Variants in SRGAP2 observed in about 807,000 individuals in gnomAD.
The protein encoded by SRGAP2 is SLIT-ROBO Rho GTPase activating protein 2.
In SRGAP2, 15 loss-of-function variants were observed where a neutral mutation model predicts 57.2. That is an observed-to-expected ratio of 0.26 (90% CI 0.18 to 0.40). SRGAP2 has a LOEUF of 0.40. Among genes scored for constraint, SRGAP2 ranks in the 10% least tolerant of loss-of-function variants. The pLI, the probability that SRGAP2 is intolerant of heterozygous loss-of-function variation, is 1.00. For missense variants in SRGAP2, 520 were observed against 669.6 expected (o/e 0.78, Z 2.47); for synonymous variants, 249 against 248.0 (o/e 1.00, Z -0.04).
chr1:206,447,361 T>TC (rs1553374245), intron 18 of SRGAP2, among the ~76,000 whole-genome samples: 1 of 152,138 alleles, frequency 6.6e-6, no homozygotes, highest in East Asian at 1.9e-4. Context: ...GGCCAATTGG[T>TC]CCACGCTTCT....
Position 206,462,285 on chromosome 1 carries a change from C to T in SRGAP2, c.*865C>T, listed in dbSNP as rs1664323283. The T allele has an allele frequency of 6.6e-6, 1 of 152,586 alleles. No homozygotes were observed. The highest frequency in any genetic ancestry group is 2.4e-5 in the African/African-American group (1 of 41,420). 9.5% of individuals were successfully genotyped at this position (152,586 alleles called of 1,614,324 possible). On this transcript the variant is annotated 3_prime_UTR_variant, in exon 23 of 23. Coordinates refer to ENST00000573034, the MANE Select transcript of SRGAP2 (RefSeq NM_015326.5). ...TGAATGTATAGACATTTCTCGGGTTCCTACCTTTGTCTCTGATGGACCATT... is the reference window on the plus strand; with the variant it reads ...TGAATGTATAGACATTTCTCGGGTTTCTACCTTTGTCTCTGATGGACCATT...
intron 3 of SRGAP2, among the ~76,000 whole-genome samples, chr1:206,304,885 T>C (rs1672101447): frequency 6.7e-6 from 1 of 149,036 alleles, no homozygotes; most frequent in African/African-American, 2.5e-5. Flanking sequence ...GCCTACCTCC[T>C]GAGTAGCTGG....
intron 3 of SRGAP2, among the ~76,000 whole-genome samples, chr1:206,324,587 G>A (rs1673729664): frequency 6.6e-6 from 1 of 152,010 alleles, no homozygotes; most frequent in Admixed American, 6.6e-5. Context: ...AATTGTGCCA[G>A]TGCCATTGTC....
chr1:206,333,099 G>A (rs1180766867), intron 3 of SRGAP2, among the ~76,000 whole-genome samples: 1 of 142,960 alleles, frequency 7.0e-6, no homozygotes, highest in African/African-American at 2.6e-5. Flanking sequence ...CTGCTGGGGG[G>A]TGCCTCCCAG....
intron 4 of SRGAP2, among the ~76,000 whole-genome samples, chr1:206,371,442 A>G (rs1292578944): frequency 6.6e-6 from 1 of 152,060 alleles, no homozygotes; most frequent in Non-Finnish European, 1.5e-5. Context: ...ATATAAGAAT[A>G]TAGATTGGCC....
At chr1:206,375,139 G>A (rs1553344051) in intron 4 of SRGAP2, among the ~76,000 whole-genome samples, 1 of 146,098 alleles carries the variant, frequency 6.8e-6, no homozygotes, top group African/African-American at 2.6e-5. Context: ...ATGTTTTCAA[G>A]TACCTTATCA....
chr1:206,414,033 CTTTT>C (rs1202216512), intron 10 of SRGAP2, among the ~76,000 whole-genome samples: 4 of 128,934 alleles, frequency 3.1e-5, no homozygotes, highest in Non-Finnish European at 3.3e-5. Flanking sequence ...CTTTTTCTTT[CTTTT>C]TTTTTTTTTT....
Position 206,454,532 on chromosome 1 carries a change from C to T in SRGAP2, c.2361-346C>T, listed in dbSNP as rs184078879. ...CTCAGCCGATAAACCACAACCTGGA[C>T]TTGCCGCCTCCTTCTCCAGGAGGCC... On this transcript the variant is annotated intron_variant, in intron 20 of 22. Transcript: ENST00000573034. This position sits in a 1 kb window ranked among gnomAD's most constrained non-coding sequence, Gnocchi z 4.3. 9.7e-6 allele frequency: 4 copies of T among 413,252 alleles called. No individual in the cohort carries two copies. Among genetic ancestry groups the T allele is most frequent in the Admixed American group, 4.1e-5 (1 of 24,152 alleles). 25.6% of individuals were successfully genotyped at this position (413,252 alleles called of 1,614,324 possible).
At chr1:206,356,557 A>G (rs1553339356) in intron 4 of SRGAP2, among the ~76,000 whole-genome samples, 1 of 152,224 alleles carries the variant, frequency 6.6e-6, no homozygotes, top group Non-Finnish European at 1.5e-5. Context: ...CCATTGTGCT[A>G]TTCTGATTCT....
At chr1:206,318,313 G>C (rs1349373230) in intron 3 of SRGAP2, among the ~76,000 whole-genome samples, 1 of 151,910 alleles carries the variant, frequency 6.6e-6, no homozygotes, top group East Asian at 1.9e-4. Context: ...CTCTAAAACA[G>C]AGCAAGGTGA....
chr1:206,455,093 A>ACC (rs1399743317), intron 21 of SRGAP2, 69 bp downstream of exon 21: 1 of 776,314 alleles, frequency 1.3e-6, no homozygotes, highest in Non-Finnish European at 2.4e-6. Context: ...CTCTGGCCTA[A>ACC]CCCCCATCTC....
intron 2 of SRGAP2, among the ~76,000 whole-genome samples, chr1:206,261,894 CA>C (rs1669577603): frequency 6.7e-6 from 1 of 150,170 alleles, no homozygotes; most frequent in African/African-American, 2.5e-5. Flanking sequence ...ATTCTCAGTA[CA>C]AAACCCTTAG....
rs557666167 is a variant in SRGAP2, at chr1:206,347,720, C to T, written c.423+4712C>T. 8.7e-3 allele frequency among the ~76,000 whole-genome samples: 1,296 copies of T among 149,506 alleles called. 19 individuals are homozygous for T. The highest frequency in any genetic ancestry group is 0.031 in the African/African-American group (1,215 of 39,642). On this transcript the variant is annotated intron_variant, in intron 4 of 22. Coordinates refer to ENST00000573034, the MANE Select transcript of SRGAP2 (RefSeq NM_015326.5). ...TATGTTGTACAGAGAAGAGAAAATC[C>T]TGGATTTTCTCTGTTTCATTGAATT...
At chr1:206,393,516 G>A (rs782719202) in intron 6 of SRGAP2, 29 bp from the exon 7 acceptor site, 12 of 769,518 alleles carry the variant, frequency 1.6e-5, no homozygotes, top group African/African-American at 3.4e-5. Flanking sequence ...AAAAAAAAAG[G>A]TAAAAGTGAA....
Position 206,462,202 on chromosome 1 carries a change from TCTC to T in SRGAP2, c.*787_*789del. On this transcript the variant is annotated 3_prime_UTR_variant, in exon 23 of 23. Transcript: ENST00000573034. ...TTGGTCATTGGTGTTTGCTCTTGCCTCTCCTCCATCCCCTAGAAGTACACCCCC... is the reference window on the plus strand; with the variant it reads ...TTGGTCATTGGTGTTTGCTCTTGCCTCTCCATCCCCTAGAAGTACACCCCC... 6.5e-6 allele frequency: 1 copy of T among 152,790 alleles called. No homozygotes were observed. The highest frequency in any genetic ancestry group is 2.4e-5 in the African/African-American group (1 of 41,560). The allele number at this position is 152,790 out of a possible 1,614,324, so 9.5% of individuals were successfully genotyped here.
chr1:206,415,334 C>T (rs17006055), intron 10 of SRGAP2, among the ~76,000 whole-genome samples: 6,618 of 152,286 alleles, frequency 0.043, 292 homozygotes, highest in African/African-American at 0.11. Context: ...CCGCTGAGTG[C>T]TCAGAAATCC....
At chr1:206,295,936 A>G (rs1259726494) in intron 2 of SRGAP2, among the ~76,000 whole-genome samples, 2 of 150,862 alleles carry the variant, frequency 1.3e-5, no homozygotes, top group African/African-American at 2.4e-5. Context: ...AGGTCTTGCT[A>G]TGTTGACCAG....
chr1:206,266,604 G>A (rs1261058229), intron 2 of SRGAP2, among the ~76,000 whole-genome samples: 1 of 152,156 alleles, frequency 6.6e-6, no homozygotes, highest in Non-Finnish European at 1.5e-5. Context: ...GCCATCTTGT[G>A]ATGTAAAGTG....
intron 12 of SRGAP2, among the ~76,000 whole-genome samples, chr1:206,419,843 G>A (rs754132022): frequency 3.3e-5 from 5 of 151,424 alleles, no homozygotes; most frequent in Non-Finnish European, 7.4e-5. Context: ...AAAGAAGGCA[G>A]CCCCTAATTA....
Sources: gnomAD v4.1 joint callset for allele counts (sites outside exome capture counted in the v4.1 genomes callset) on GRCh38, gnomAD v4.1.1 for gene constraint, Gnocchi (gnomAD v3.1) non-coding constraint, MANE v1.5 for transcripts, NCBI Gene and HGNC (gene_info 2026-07-23, HGNC 2026-07-21) for gene names.